The following MARCHF1 variants were observed in gnomAD, a reference collection of about 807,000 sequenced individuals.
The protein encoded by MARCHF1 is E3 ubiquitin-protein ligase MARCHF1.
A neutral mutation model predicts 54.2 loss-of-function variants in MARCHF1; 40 were observed. That is an observed-to-expected ratio of 0.74 (90% confidence interval 0.57 to 0.96). The LOEUF (loss-of-function observed/expected upper bound fraction) is 0.96, where lower values mean the gene tolerates loss of function less well. Ranked by LOEUF, MARCHF1 falls within the 40% of genes least tolerant of loss-of-function variation. The pLI is 0.00. For missense variants in MARCHF1, 586 were observed against 656.5 expected (o/e 0.89, Z 1.17); for synonymous variants, 236 against 236.3 (o/e 1.00, Z 0.01).
chr4:163,767,343 T>C (rs1288925127), intron 4 of MARCHF1, among the ~76,000 whole-genome samples: 4 of 151,890 alleles, frequency 2.6e-5, no homozygotes, highest in Admixed American at 6.6e-5. Context: ...ATTGCCTTTT[T>C]TTTTTTTTTG....
At chr4:163,811,579 G>A (rs148949625) in intron 4 of MARCHF1, among the ~76,000 whole-genome samples, 125 of 152,132 alleles carry the variant, frequency 8.2e-4, no homozygotes, top group African/African-American at 2.9e-3. Flanking sequence ...AATAAGGAAT[G>A]GTAGAATCCA....
At chr4:163,827,581 C>A (rs1015237128) in intron 4 of MARCHF1, among the ~76,000 whole-genome samples, 1 of 152,028 alleles carries the variant, frequency 6.6e-6, no homozygotes, top group South Asian at 2.1e-4. Flanking sequence ...AAAAGCAGAG[C>A]ACCCCTCTGT....
At chr4:163,627,492 GT>G (rs1741912862) in intron 5 of MARCHF1, among the ~76,000 whole-genome samples, 2 of 152,154 alleles carry the variant, frequency 1.3e-5, no homozygotes, top group African/African-American at 4.8e-5. Context: ...ATTTGGAGCA[GT>G]GAGTAAGTAA....
At chr4:164,099,014 T>A (rs917194291) in intron 2 of MARCHF1, among the ~76,000 whole-genome samples, 3 of 152,244 alleles carry the variant, frequency 2.0e-5, no homozygotes, top group African/African-American at 7.2e-5. Flanking sequence ...ATATAGTTAA[T>A]GTTGAATTTG....
Position 163,956,754 on chromosome 4 carries a change from T to C in MARCHF1, c.-39+31747A>G, listed in dbSNP as rs1579420684. Among the ~76,000 whole-genome samples the C allele has an allele frequency of 2.0e-5, 3 of 152,202 alleles. No individual in the cohort carries two copies. The East Asian group carries it at 5.8e-4, about 29-fold the overall frequency. ...TCCGGAGTGGTAACATGGCTTTCAA[T>C]ATTAAATATCTGCATTAGCATTTAG... On this transcript the variant is annotated intron_variant, in intron 3 of 9. Coordinates refer to ENST00000514618, the MANE Select transcript of MARCHF1 (RefSeq NM_001394959.1).
At chr4:164,212,601 G>T (rs889847214) in intron 1 of MARCHF1, among the ~76,000 whole-genome samples, 6 of 152,084 alleles carry the variant, frequency 3.9e-5, no homozygotes, top group Admixed American at 1.3e-4. Context: ...AAAAATATAT[G>T]TATGTATATG....
chr4:163,607,381 G>C (rs184800281), intron 7 of MARCHF1, among the ~76,000 whole-genome samples: 1 of 152,178 alleles, frequency 6.6e-6, no homozygotes, highest in Admixed American at 6.6e-5. Flanking sequence ...CTTTGTTGGA[G>C]ACTGGACACA....
intron 5 of MARCHF1, among the ~76,000 whole-genome samples, chr4:163,636,180 G>T (rs1163705900): frequency 6.6e-6 from 1 of 151,986 alleles, no homozygotes; most frequent in African/African-American, 2.4e-5. Context: ...TTTGAAAACC[G>T]GCACAAGACA....
intron 3 of MARCHF1, among the ~76,000 whole-genome samples, chr4:163,907,755 A>G (rs538044084): frequency 6.6e-6 from 1 of 152,224 alleles, no homozygotes; most frequent in African/African-American, 2.4e-5. Flanking sequence ...TAGACACTAA[A>G]TCAAGCTGAA....
intron 4 of MARCHF1, among the ~76,000 whole-genome samples, chr4:163,833,112 G>T (rs1359564176): frequency 6.6e-6 from 1 of 152,054 alleles, no homozygotes; most frequent in Non-Finnish European, 1.5e-5. Flanking sequence ...ACCCAGTAAT[G>T]AGATGGCTGG....
intron 1 of MARCHF1, among the ~76,000 whole-genome samples, chr4:164,146,850 G>GCA (rs1254216696): frequency 6.6e-6 from 1 of 151,314 alleles, no homozygotes; most frequent in Non-Finnish European, 1.5e-5. Context: ...AAGAGCTTCT[G>GCA]CACAGCAAAA....
intron 7 of MARCHF1, among the ~76,000 whole-genome samples, chr4:163,606,205 C>A (rs939992681): frequency 6.6e-6 from 1 of 151,992 alleles, no homozygotes; most frequent in Non-Finnish European, 1.5e-5. Flanking sequence ...TTTAAAGAAA[C>A]CATTAGTGGA....
chr4:164,244,053 C>A (rs952498355), intron 1 of MARCHF1, among the ~76,000 whole-genome samples: 77 of 152,144 alleles, frequency 5.1e-4, no homozygotes, highest in African/African-American at 1.5e-3. Context: ...ATCAACGAGA[C>A]AGAAAGTTAA....
chr4:164,067,698 A>G (rs554471366), intron 2 of MARCHF1, among the ~76,000 whole-genome samples: 1 of 152,342 alleles, frequency 6.6e-6, no homozygotes, highest in African/African-American at 2.4e-5. Flanking sequence ...ACTCCCCAAA[A>G]ACAAATGCAA....
At chr4:163,837,572 A>C (rs1246223399) in intron 4 of MARCHF1, among the ~76,000 whole-genome samples, 1 of 152,006 alleles carries the variant, frequency 6.6e-6, no homozygotes, top group Non-Finnish European at 1.5e-5. Flanking sequence ...AAGAAACAAA[A>C]CCATTAAAGA....
At chr4:163,997,314 C>A (rs139483346) in intron 2 of MARCHF1, among the ~76,000 whole-genome samples, 85 of 152,116 alleles carry the variant, frequency 5.6e-4, no homozygotes, top group African/African-American at 1.9e-3. Flanking sequence ...TGATCAAAGG[C>A]AAATGGTAAT....
rs115331643 is a variant in MARCHF1 at position 163,762,897 on chromosome 4, C to T, written c.112-62034G>A. The stretch of plus-strand genomic sequence containing the variant: ...TTCTGTTCATTATAAAGTAATTATG[C>T]ATCTTCCTACTGCACATAACAAGGC... On this transcript the variant is annotated intron_variant, in intron 4 of 9. Coordinates refer to ENST00000514618, the MANE Select transcript of MARCHF1 (RefSeq NM_001394959.1). 6.9e-3 allele frequency among the ~76,000 whole-genome samples: 1,055 copies of T among 152,142 alleles called. 12 individuals carry two copies. Among genetic ancestry groups the T allele is most frequent in the African/African-American group, 0.023 (968 of 41,530 alleles).
At chr4:164,349,164 C>T (rs1052894908) in intron 1 of MARCHF1, among the ~76,000 whole-genome samples, 2 of 152,130 alleles carry the variant, frequency 1.3e-5, no homozygotes, top group African/African-American at 2.4e-5. Flanking sequence ...CAAAATAGAT[C>T]TGCCCTGACT....
Position 163,743,288 on chromosome 4 carries a change from T to G in MARCHF1, c.112-42425A>C, listed in dbSNP as rs186874981. 4.1e-4 allele frequency among the ~76,000 whole-genome samples: 63 copies of G among 152,310 alleles called. No homozygotes were observed. The East Asian group carries it at 9.7e-3, about 23-fold the overall frequency. ...AAAACTGCCAGGACAGTTCCACTGC[T>G]TTTACTCATTCCCAGCTCTCATATA... On this transcript the variant is annotated intron_variant, in intron 4 of 9. Transcript: ENST00000514618.
Sources: gnomAD v4.1 joint callset for allele counts (sites outside exome capture counted in the v4.1 genomes callset) on GRCh38, gnomAD v4.1.1 for gene constraint, MANE v1.5 for transcripts, NCBI Gene and HGNC (gene_info 2026-07-23, HGNC 2026-07-21) for gene names.